TSHZ2: variants seen among roughly 807,000 people sequenced by gnomAD.
The protein encoded by TSHZ2 is teashirt homolog 2.
TSHZ2 carries 21 observed loss-of-function variants against 74.4 expected under a neutral mutation model. The observed-to-expected ratio is 0.28, with a 90% confidence interval of 0.20 to 0.41. TSHZ2 has a LOEUF of 0.41. Ranked by LOEUF, TSHZ2 falls within the 10% of genes least tolerant of loss-of-function variation. The probability of loss-of-function intolerance (pLI) is 1.00; values close to 1 mark genes in which losing one functional copy is unlikely to be tolerated. For missense variants in TSHZ2, 1,244 were observed against 1,293.5 expected (o/e 0.96, Z 0.59); for synonymous variants, 540 against 515.3 (o/e 1.05, Z -0.65).
At chr20:53,055,013 C>G (rs1984592555) in intron 1 of TSHZ2, among the ~76,000 whole-genome samples, 1 of 152,168 alleles carries the variant, frequency 6.6e-6, no homozygotes, top group African/African-American at 2.4e-5. Flanking sequence ...TATGTCAAAT[C>G]TTCTGATTTC....
intron 1 of TSHZ2, among the ~76,000 whole-genome samples, chr20:53,222,403 G>T (rs915000223): frequency 6.6e-6 from 1 of 152,132 alleles, no homozygotes; most frequent in Non-Finnish European, 1.5e-5. Context: ...TCAAGTGCAG[G>T]TCCAGTTAAT....
intron 2 of TSHZ2, among the ~76,000 whole-genome samples, chr20:53,389,467 T>C (rs536990822): frequency 3.0e-4 from 45 of 152,296 alleles, no homozygotes; most frequent in Admixed American, 1.3e-4. Context: ...GAAGACTTCA[T>C]TGAGGTGGTG....
rs186192882 is a variant in TSHZ2 at position 53,383,123 on chromosome 20, G to T, written c.*9-104021G>T. Among the ~76,000 whole-genome samples the T allele has an allele frequency of 4.7e-3, 712 of 151,940 alleles. 7 individuals are homozygous for T. Among genetic ancestry groups the T allele is most frequent in the African/African-American group, 0.017 (684 of 41,454 alleles). The stretch of plus-strand genomic sequence containing the variant: ...TAAAATACAAAAGAAATTAGCCGGG[G>T]GTGGCGGTGTGCACCTGTAGTCCCA... On this transcript the variant is annotated intron_variant, in intron 2 of 2. Transcript: ENST00000371497.
rs1434657318 is a variant in TSHZ2, at chr20:53,489,423, T to C, written c.*2288T>C. 45 of 340,566 alleles carry C rather than the reference T, an allele frequency of 1.3e-4. 1 individual carries two copies. Among genetic ancestry groups the C allele is most frequent in the South Asian group, 9.7e-4 (41 of 42,222 alleles). 21.1% of individuals were successfully genotyped at this position (340,566 alleles called of 1,614,324 possible). A position where few individuals can be genotyped will look rare whatever the true frequency, so the allele number is the denominator to read the frequency against. ...TTAAAGGAAAATCAATGCATTAGTA[T>C]TGGGGTTCTCGTAGCTGTTAAAAAT... is the stretch of plus-strand genomic sequence containing the variant. On this transcript the variant is annotated 3_prime_UTR_variant, in exon 3 of 3. Coordinates refer to ENST00000371497, the MANE Select transcript of TSHZ2 (RefSeq NM_173485.6).
At chr20:53,285,067 C>T (rs1991139749) in intron 2 of TSHZ2, among the ~76,000 whole-genome samples, 1 of 152,182 alleles carries the variant, frequency 6.6e-6, no homozygotes, top group African/African-American at 2.4e-5. Context: ...TGGCCCCAGG[C>T]ATTGCCCAGA....
chr20:53,093,554 T>G (rs1985949832), intron 1 of TSHZ2, among the ~76,000 whole-genome samples: 1 of 152,222 alleles, frequency 6.6e-6, no homozygotes. Context: ...CCTTGGGACA[T>G]TTACATGCCA....
At chr20:53,228,964 C>G (rs1404614244) in intron 1 of TSHZ2, among the ~76,000 whole-genome samples, 1 of 152,220 alleles carries the variant, frequency 6.6e-6, no homozygotes, top group East Asian at 1.9e-4. Context: ...AGATGAGTGT[C>G]TCACACGATC....
At chr20:53,155,949 T>TAAATATATTTAATTA (rs1457691675) in intron 1 of TSHZ2, among the ~76,000 whole-genome samples, 22 of 152,194 alleles carry the variant, frequency 1.4e-4, no homozygotes, top group African/African-American at 5.3e-4. Context: ...AATTAGGTAT[T>TAAATATATTTAATTA]GGCTAATTAA....
At chr20:53,032,226 G>A (rs947636525) in intron 1 of TSHZ2, among the ~76,000 whole-genome samples, 3 of 152,142 alleles carry the variant, frequency 2.0e-5, no homozygotes, top group Non-Finnish European at 2.9e-5. Flanking sequence ...TCTATTTAAC[G>A]TTAGAGCGGA....
intron 1 of TSHZ2, among the ~76,000 whole-genome samples, chr20:53,168,300 T>G (rs1988109319): frequency 6.6e-6 from 1 of 152,166 alleles, no homozygotes; most frequent in Non-Finnish European, 1.5e-5. Context: ...CAGACAAAAA[T>G]GACTCCAGAC....
intron 2 of TSHZ2, among the ~76,000 whole-genome samples, chr20:53,470,649 C>G (rs1296577672): frequency 6.6e-6 from 1 of 151,960 alleles, no homozygotes; most frequent in African/African-American, 2.4e-5. Context: ...AAACCCGCCT[C>G]CTAAAAATAC....
At chr20:53,289,677 AG>A (rs1991244146) in intron 2 of TSHZ2, among the ~76,000 whole-genome samples, 1 of 152,196 alleles carries the variant, frequency 6.6e-6, no homozygotes, top group South Asian at 2.1e-4. Flanking sequence ...GTTTAGGGAA[AG>A]CTTGTCTGAG....
intron 1 of TSHZ2, among the ~76,000 whole-genome samples, chr20:53,243,530 G>A (rs1990120548): frequency 6.6e-6 from 1 of 152,182 alleles, no homozygotes; most frequent in Non-Finnish European, 1.5e-5. Flanking sequence ...TTCCCATTCA[G>A]TGTGGTCCTC....
intron 2 of TSHZ2, among the ~76,000 whole-genome samples, chr20:53,364,715 T>G (rs1254805080): frequency 6.6e-6 from 1 of 152,354 alleles, no homozygotes; most frequent in East Asian, 1.9e-4. Context: ...TGTTGGCTTG[T>G]GGAGTGCCGG....
intron 2 of TSHZ2, among the ~76,000 whole-genome samples, chr20:53,440,389 G>A (rs983815800): frequency 3.3e-5 from 5 of 152,174 alleles, no homozygotes; most frequent in Non-Finnish European, 7.3e-5. Flanking sequence ...GGGGGTTCCT[G>A]GAATTGTCAC....
rs567284120 is a variant in TSHZ2, at chr20:52,980,645, C to T, written c.40+7312C>T. 1.9e-4 allele frequency among the ~76,000 whole-genome samples: 29 copies of T among 152,174 alleles called. No homozygotes were observed. The South Asian group carries it at 4.4e-3, about 23-fold the overall frequency. ...TTATTGCTTTTAATGAAAATAGTTA[C>T]GAAGGGCAGAATGAGATAAAAACAG... On this transcript the variant is annotated intron_variant, in intron 1 of 2. Transcript: ENST00000371497.
At chr20:53,380,139 A>AGTGTGTGTGT (rs3222593) in intron 2 of TSHZ2, among the ~76,000 whole-genome samples, 2 of 149,424 alleles carry the variant, frequency 1.3e-5, no homozygotes, top group African/African-American at 2.5e-5. Flanking sequence ...ATGGTTGGAG[A>AGTGTGTGTGT]GTGTGTGTGT....
intron 2 of TSHZ2, among the ~76,000 whole-genome samples, chr20:53,468,688 C>CAA (rs1158529552): frequency 0.033 from 2,153 of 65,252 alleles, 103 homozygotes; most frequent in South Asian, 0.046. Context: ...CATTACGAGA[C>CAA]AAAAAAAAAA....
chr20:52,990,171 T>A (rs1981926929), intron 1 of TSHZ2, among the ~76,000 whole-genome samples: 1 of 152,058 alleles, frequency 6.6e-6, no homozygotes, highest in East Asian at 1.9e-4. Flanking sequence ...TTATGAAAAA[T>A]TTACTGGATG....
Sources: allele counts gnomAD v4.1 joint callset (sites outside exome capture counted in the v4.1 genomes callset), GRCh38; gene constraint gnomAD v4.1.1; transcripts MANE v1.5; gene names NCBI Gene and HGNC (gene_info 2026-07-23, HGNC 2026-07-21).